Variants in WDR12 observed in about 807,000 individuals in gnomAD.
The protein encoded by WDR12 is WD repeat domain 12.
Under a neutral mutation model 64.3 loss-of-function variants are expected in WDR12, and 42 were observed. The observed-to-expected ratio is 0.65, with a 90% CI of 0.51 to 0.84. WDR12 has a LOEUF of 0.84. WDR12 is among the 40% of genes least tolerant of loss of function. The probability of loss-of-function intolerance (pLI) is 0.00; values close to 1 mark genes in which losing one functional copy is unlikely to be tolerated. For synonymous variants in WDR12, 158 were observed against 173.3 expected, an observed-to-expected ratio of 0.91 and a Z score of 0.70; for missense variants, 469 against 494.6, an observed-to-expected ratio of 0.95 and a Z score of 0.49.
At chr2:202,900,855 T>C (rs1049451934) in intron 3 of WDR12, among the ~76,000 whole-genome samples, 170 bp downstream of exon 3, 3 of 152,150 alleles carry the variant, frequency 2.0e-5, no homozygotes, top group South Asian at 2.1e-4. Flanking sequence ...ATATATTCAA[T>C]ACACACATAA....
chr2:202,908,267 A>G (rs1688498809), intron 1 of WDR12, among the ~76,000 whole-genome samples: 1 of 152,204 alleles, frequency 6.6e-6, no homozygotes, highest in South Asian at 2.1e-4. Context: ...GAAACGATCC[A>G]CAGAAAAGAT....
intron 8 of WDR12, 120 bp from the exon 9 acceptor site, chr2:202,884,655 C>G (rs1482375293): frequency 1.0e-6 from 1 of 958,824 alleles, no homozygotes; most frequent in African/African-American, 2.4e-5. Flanking sequence ...CTTTCATATC[C>G]TGACTTATTT....
In WDR12 at chr2:202,874,439, G is replaced by A. The variant is rs1291568538; in HGVS notation, c.*6421C>T. 6.6e-6 allele frequency among the ~76,000 whole-genome samples: 1 copy of A among 151,988 alleles called. No individual in the cohort carries two copies. The highest frequency in any genetic ancestry group is 1.5e-5 in the Non-Finnish European group (1 of 68,010). ...CTTGGAATGTAGGGCTCCACAAATG[G>A]GATCCAAACCTAGAGTCTTAGTTTC... On this transcript the variant is annotated 3_prime_UTR_variant, in exon 13 of 13. Transcript: ENST00000261015.
intron 2 of WDR12, among the ~76,000 whole-genome samples, chr2:202,901,500 A>G (rs531119309): frequency 2.6e-5 from 4 of 152,320 alleles, no homozygotes; most frequent in African/African-American, 9.6e-5. Context: ...ATACTTTAGT[A>G]TGTATCTCTA....
At chr2:202,889,011 A>G (rs1157379850) in intron 8 of WDR12, among the ~76,000 whole-genome samples, 1 of 152,096 alleles carries the variant, frequency 6.6e-6, no homozygotes, top group African/African-American at 2.4e-5. Context: ...AAATTTTTCT[A>G]TTATTTCTAA....
At chr2:202,895,390 AG>A (rs1302767261) in intron 6 of WDR12, among the ~76,000 whole-genome samples, 1 of 152,228 alleles carries the variant, frequency 6.6e-6, no homozygotes, top group Non-Finnish European at 1.5e-5. Flanking sequence ...GCTAATGCTC[AG>A]ACTATCAACT....
chr2:202,883,493 G>A, intron 11 of WDR12, 116 bp downstream of exon 11: 1 of 1,272,950 alleles, frequency 7.9e-7, no homozygotes, highest in Non-Finnish European at 1.1e-6. Flanking sequence ...ACATGAGGTT[G>A]CAAAACCATG....
Position 202,892,930 on chromosome 2 carries a change from C to CT in WDR12, c.656-229dup, listed in dbSNP as rs1340180287. 6.6e-5 allele frequency among the ~76,000 whole-genome samples: 10 copies of CT among 152,078 alleles called. No individual in the cohort carries two copies. The East Asian group carries it at 1.7e-3, about 26-fold the overall frequency. On this transcript the variant is annotated intron_variant, in intron 7 of 12. Transcript: ENST00000261015. ...ATAAACTATATTAGAAAACTAAAAT[C>CT]TAAGTAATTTAAAATCTTGCTATCT...
Position 202,877,040 on chromosome 2 carries a change from A to G in WDR12, c.*3820T>C, listed in dbSNP as rs1356583471. 1.3e-5 allele frequency: 2 copies of G among 152,056 alleles called. No individual in the cohort carries two copies. Among genetic ancestry groups the G allele is most frequent in the Non-Finnish European group, 2.9e-5 (2 of 68,010 alleles). 9.4% of individuals were successfully genotyped at this position (152,056 alleles called of 1,614,324 possible). On this transcript the variant is annotated 3_prime_UTR_variant, in exon 13 of 13. Coordinates refer to ENST00000261015, the MANE Select transcript of WDR12 (RefSeq NM_018256.4). ...CTTTTTTTCAAAACTACGATACATC[A>G]AAAGAATTTTAGACTGTGTGAACAG... is the stretch of plus-strand genomic sequence containing the variant.
At chr2:202,905,488 G>C (rs987126554) in intron 2 of WDR12, among the ~76,000 whole-genome samples, 18 of 152,198 alleles carry the variant, frequency 1.2e-4, no homozygotes, top group African/African-American at 4.1e-4. Flanking sequence ...ATGCTGGTGA[G>C]GATATGGAGA....
In WDR12 at chr2:202,892,612, CTGACCCT is replaced by C; in HGVS notation, c.739_741+4del. On this transcript the variant is annotated splice_donor_variant and splice_donor_region_variant and coding_sequence_variant and intron_variant, in exon 8 of 13. Coordinates refer to ENST00000261015, the MANE Select transcript of WDR12 (RefSeq NM_018256.4). LOFTEE classifies it high-confidence loss of function. ...CAAGTACAGTCAGTTCTCACAAATA[CTGACCCT>C]TGTTAGTCCCAACTGTTCTGTCTTC... 1 of 1,609,310 alleles carries C rather than the reference CTGACCCT, an allele frequency of 6.2e-7. No individual in the cohort carries two copies. The highest frequency in any genetic ancestry group is 8.5e-7 in the Non-Finnish European group (1 of 1,176,296).
rs1192864665 is a variant in WDR12, at chr2:202,884,379, A to G, written c.882+16T>C. The G allele has an allele frequency of 6.2e-7, 1 of 1,613,898 alleles. No individual in the cohort carries two copies. ...CTAGAAGTTTATCACTTAAAAGAAC[A>G]CTGAATTTGTCTTACCAAAGTTGAC... On this transcript the variant is annotated intron_variant, in intron 9 of 12. Transcript: ENST00000261015.
intron 8 of WDR12, among the ~76,000 whole-genome samples, chr2:202,888,503 G>A (rs1429443062): frequency 6.6e-6 from 1 of 152,058 alleles, no homozygotes; most frequent in Non-Finnish European, 1.5e-5. Flanking sequence ...CAAACTAAGT[G>A]GAACAGAAGT....
At chr2:202,889,561 C>T (rs1446922400) in intron 8 of WDR12, among the ~76,000 whole-genome samples, 1 of 151,818 alleles carries the variant, frequency 6.6e-6, no homozygotes, top group Non-Finnish European at 1.5e-5. Flanking sequence ...ATCAAAGATC[C>T]AGGGCTTATT....
At chr2:202,906,876 G>A (rs1688467365) in intron 2 of WDR12, among the ~76,000 whole-genome samples, 1 of 151,914 alleles carries the variant, frequency 6.6e-6, no homozygotes, top group Middle Eastern at 3.2e-3. Flanking sequence ...ATATGGAAAA[G>A]TTCAGAAATA....
chr2:202,897,330 C>T lies in WDR12; in HGVS notation c.424G>A (p.Val142Ile). 6.2e-7 allele frequency: 1 copy of T among 1,600,586 alleles called. No homozygotes were observed. Among genetic ancestry groups the T allele is most frequent in the Non-Finnish European group, 8.5e-7 (1 of 1,174,698 alleles). Residue 142 changes from valine to isoleucine, a missense_variant, in exon 5 of 13, where the codon GTT becomes ATT. Transcript: ENST00000261015. ...SIMTIVGHTD[V>I]VKDVAWVKKD... ...TTCACCCAGGCCACATCTTTTACAA[C>T]ATCCGTATGTCCCACAATTGTCATT...
chr2:202,896,848 G>A (rs927697335), intron 5 of WDR12, among the ~76,000 whole-genome samples: 5 of 152,052 alleles, frequency 3.3e-5, no homozygotes, highest in East Asian at 1.9e-4. Flanking sequence ...TTAGCCAGGC[G>A]TGATGGTAGG....
chr2:202,895,369 C>T (rs1004544037), intron 6 of WDR12, among the ~76,000 whole-genome samples: 3 of 152,116 alleles, frequency 2.0e-5, no homozygotes, highest in African/African-American at 4.8e-5. Flanking sequence ...TTAGCACTAA[C>T]TTTAGTGTAT....
chr2:202,902,763 T>C (rs765569145), intron 2 of WDR12, among the ~76,000 whole-genome samples: 12 of 152,180 alleles, frequency 7.9e-5, no homozygotes, highest in African/African-American at 2.7e-4. Context: ...CAGCCTATCG[T>C]AGGACTTCAT....
Sources: allele counts gnomAD v4.1 joint callset (sites outside exome capture counted in the v4.1 genomes callset), GRCh38; gene constraint gnomAD v4.1.1; transcripts MANE v1.5; gene names NCBI Gene and HGNC (gene_info 2026-07-23, HGNC 2026-07-21).